Variants in CENPP observed in about 807,000 individuals in gnomAD.
CENPP encodes centromere protein P.
In CENPP, 24 loss-of-function variants were observed where a neutral mutation model predicts 35.6. The observed-to-expected ratio is 0.67, with a 90% CI of 0.49 to 0.95. The LOEUF (loss-of-function observed/expected upper bound fraction) is 0.95, where lower values mean the gene tolerates loss of function less well. Among genes scored for constraint, CENPP ranks in the 40% least tolerant of loss-of-function variants. The pLI, the probability that CENPP is intolerant of heterozygous loss-of-function variation, is 0.00. For synonymous variants in CENPP, 120 were observed against 125.5 expected (o/e 0.96, Z 0.29); for missense variants, 332 against 345.3 (o/e 0.96, Z 0.31).
chr9:92,605,935 C>G (rs891019364), intron 5 of CENPP, among the ~76,000 whole-genome samples: 1 of 152,058 alleles, frequency 6.6e-6, no homozygotes, highest in African/African-American at 2.4e-5. Flanking sequence ...AGAGCTATTA[C>G]AATTCAATAA....
rs538187302 is a variant in CENPP at position 92,433,703 on chromosome 9, A to G, written c.564+53844A>G. On this transcript the variant is annotated intron_variant, in intron 5 of 7. Coordinates refer to ENST00000375587, the MANE Select transcript of CENPP (RefSeq NM_001012267.3). The stretch of plus-strand genomic sequence containing the variant: ...TCCCAGCACTTTGGGAGGCCGAAGC[A>G]GGCAGATCACTTGAGGTCAGAACTT... 3.9e-4 allele frequency among the ~76,000 whole-genome samples: 60 copies of G among 152,084 alleles called. 2 individuals carry two copies. The highest frequency in any genetic ancestry group is 3.6e-3 in the Admixed American group (55 of 15,270).
chr9:92,368,568 C>T (rs181024876), intron 4 of CENPP, among the ~76,000 whole-genome samples: 1 of 152,294 alleles, frequency 6.6e-6, no homozygotes, highest in Non-Finnish European at 1.5e-5. Context: ...GGGAAGCAGT[C>T]CCAATGAGTT....
chr9:92,597,533 G>T (rs1424773110), intron 5 of CENPP, among the ~76,000 whole-genome samples: 1 of 152,070 alleles, frequency 6.6e-6, no homozygotes, highest in Admixed American at 6.5e-5. Context: ...TGTATATCTG[G>T]AATATTACTT....
chr9:92,477,898 A>G, intron 5 of CENPP, among the ~76,000 whole-genome samples: 1 of 152,244 alleles, frequency 6.6e-6, no homozygotes, highest in East Asian at 1.9e-4. Flanking sequence ...TGGGGTAGGA[A>G]CAGGGGTGTA....
At chr9:92,596,561 GAGGA>G (rs1850789668) in intron 5 of CENPP, among the ~76,000 whole-genome samples, 1 of 151,594 alleles carries the variant, frequency 6.6e-6, no homozygotes, top group African/African-American at 2.4e-5. Context: ...AGAAAGCCTT[GAGGA>G]AGGCTGATGT....
intron 5 of CENPP, among the ~76,000 whole-genome samples, chr9:92,577,905 C>T (rs1850323055): frequency 6.6e-6 from 1 of 151,008 alleles, no homozygotes; most frequent in Admixed American, 6.6e-5. Flanking sequence ...CCCACTAACT[C>T]ATCATCTACC....
At chr9:92,594,343 C>T (rs902794422) in intron 5 of CENPP, among the ~76,000 whole-genome samples, 10 of 152,080 alleles carry the variant, frequency 6.6e-5, no homozygotes, top group African/African-American at 2.2e-4. Context: ...TAGGTGGCCC[C>T]GTGAGCAGGT....
chr9:92,333,271 C>G (rs955032854), intron 2 of CENPP, among the ~76,000 whole-genome samples: 1 of 152,296 alleles, frequency 6.6e-6, no homozygotes, highest in Middle Eastern at 3.4e-3. Flanking sequence ...ACCCTCATGA[C>G]AGGGGAGAGG....
At chr9:92,371,171 G>T (rs1284251204) in intron 4 of CENPP, among the ~76,000 whole-genome samples, 1 of 152,026 alleles carries the variant, frequency 6.6e-6, no homozygotes. Context: ...TGTTTGGTTT[G>T]TTGTTGCTTT....
chr9:92,552,821 G>T (rs1243886984), intron 5 of CENPP, among the ~76,000 whole-genome samples: 1 of 151,994 alleles, frequency 6.6e-6, no homozygotes, highest in African/African-American at 2.4e-5. Context: ...TGTTCCTTTT[G>T]CCGTGCAAAA....
chr9:92,585,346 A>G (rs1850515268), intron 5 of CENPP, among the ~76,000 whole-genome samples: 1 of 152,160 alleles, frequency 6.6e-6, no homozygotes, highest in African/African-American at 2.4e-5. Flanking sequence ...AGTTTTGGAG[A>G]TTTGTAAATG....
At chr9:92,425,098 A>T (rs2516568) in intron 5 of CENPP, among the ~76,000 whole-genome samples, 61,651 of 152,140 alleles carry the variant, frequency 0.41, 14,818 homozygotes, top group African/African-American at 0.67. Context: ...TATTTTTAAA[A>T]TGCACTTGAT....
Position 92,345,749 on chromosome 9 carries a change from G to A in CENPP, c.429G>A (p.Glu143=). Residue 143 remains glutamate (E), a synonymous_variant, in exon 4 of 8, where the codon GAG becomes GAA. Transcript: ENST00000375587. The stretch of plus-strand genomic sequence containing the variant: ...TTACTGACCTCAACATAATAATGGA[G>A]CCCACAGAATGCTCAGAATTAAGTG... ...SAVTDLNIIM[E]PTECSELSEF... The A allele has an allele frequency of 6.2e-7, 1 of 1,603,124 alleles. No individual in the cohort carries two copies. The highest frequency in any genetic ancestry group is 8.5e-7 in the Non-Finnish European group (1 of 1,170,986).
intron 5 of CENPP, among the ~76,000 whole-genome samples, chr9:92,396,491 C>T (rs763460949): frequency 6.6e-6 from 1 of 151,880 alleles, no homozygotes; most frequent in African/African-American, 2.4e-5. Context: ...TAATACATTT[C>T]TCCTTATATA....
At chr9:92,522,799 T>C (rs769256474) in intron 5 of CENPP, 2 of 1,613,224 alleles carry the variant, frequency 1.2e-6, no homozygotes, top group African/African-American at 2.7e-5. Flanking sequence ...AGGAATTTCT[T>C]CATTTTTTCC....
intron 5 of CENPP, chr9:92,517,412 C>A: frequency 3.5e-6 from 2 of 576,132 alleles, no homozygotes; most frequent in Non-Finnish European, 6.1e-6. Flanking sequence ...AATTCTGTTA[C>A]CATATCTCTA....
chr9:92,372,919 A>C (rs1408407764), intron 4 of CENPP, among the ~76,000 whole-genome samples: 1 of 151,912 alleles, frequency 6.6e-6, no homozygotes, highest in African/African-American at 2.4e-5. Context: ...ATGTGCTGTG[A>C]GGAAGATCTT....
intron 5 of CENPP, among the ~76,000 whole-genome samples, chr9:92,555,733 A>G (rs921245364): frequency 6.6e-6 from 1 of 152,030 alleles, no homozygotes; most frequent in African/African-American, 2.4e-5. Flanking sequence ...GTCAGTTGTA[A>G]TATCTCCTGT....
intron 5 of CENPP, among the ~76,000 whole-genome samples, chr9:92,609,560 G>A (rs1238759362): frequency 6.6e-6 from 1 of 152,228 alleles, no homozygotes; most frequent in East Asian, 1.9e-4. Context: ...TGAGACTTAA[G>A]CAGCACCCCC....
Sources: allele counts gnomAD v4.1 joint callset (sites outside exome capture counted in the v4.1 genomes callset), GRCh38; gene constraint gnomAD v4.1.1; transcripts MANE v1.5; gene names NCBI Gene and HGNC (gene_info 2026-07-23, HGNC 2026-07-21).